Variants in SLC9A1 observed in about 807,000 individuals in gnomAD.
SLC9A1 encodes the protein solute carrier family 9 member A1.
A neutral mutation model predicts 67.9 loss-of-function variants in SLC9A1; 22 were observed. The ratio of observed to expected loss-of-function variants is 0.32; its 90% CI spans 0.23 to 0.46. The LOEUF (loss-of-function observed/expected upper bound fraction) is 0.46. Ranked by LOEUF, SLC9A1 falls within the 20% of genes least tolerant of loss-of-function variation. The probability of loss-of-function intolerance (pLI) is 1.00; values close to 1 mark genes in which losing one functional copy is unlikely to be tolerated. For synonymous variants in SLC9A1, 421 were observed against 471.8 expected (o/e 0.89, Z 1.40); for missense variants, 686 against 1,094.8 (o/e 0.63, Z 5.27).
At chr1:27,105,498 A>G (rs2083177119) in intron 5 of SLC9A1, 1 of 569,150 alleles carries the variant, frequency 1.8e-6, no homozygotes, top group Non-Finnish European at 3.2e-6. Context: ...GGGTTTCACC[A>G]TGTTAGTCAG....
rs2083550083 is a variant in SLC9A1, at chr1:27,154,121, G to A, written c.214C>T (p.Arg72Cys). 7 of 1,613,974 alleles carry A rather than the reference G, an allele frequency of 4.3e-6. No individual in the cohort carries two copies. The highest frequency in any genetic ancestry group is 1.7e-5 in the Admixed American group (1 of 60,000). Residue 72 changes from arginine (R) to cysteine (C), a missense_variant, in exon 1 of 12, where the codon CGC (arginine) becomes TGC (cysteine). By Grantham distance (180) the Arg-to-Cys change is radical (BLOSUM62 -3). Transcript: ENST00000263980. ...TAPPEVTPES[R>C]PVNHSVTDHG... ...TCAGTGACGGAATGATTAACAGGGC[G>A]GCTCTCTGGGGTGACCTCCGGTGGA...
chr1:27,139,326 T>C (rs892018558), intron 1 of SLC9A1, among the ~76,000 whole-genome samples: 1 of 152,140 alleles, frequency 6.6e-6, no homozygotes, highest in African/African-American at 2.4e-5. Context: ...TTTCTCCCCT[T>C]CCTAAAGGTC....
chr1:27,145,055 CA>C (rs1404923884), intron 1 of SLC9A1, among the ~76,000 whole-genome samples: 2 of 87,832 alleles, frequency 2.3e-5, no homozygotes, highest in African/African-American at 4.4e-5. Flanking sequence ...GACTCCATCT[CA>C]AAAAAAAAGG....
intron 1 of SLC9A1, among the ~76,000 whole-genome samples, chr1:27,134,483 C>T (rs2124191391): frequency 6.6e-6 from 1 of 152,276 alleles, no homozygotes; most frequent in Middle Eastern, 3.4e-3. Flanking sequence ...AAAACCAAAG[C>T]TCAGGGCATT....
At position 27,106,049 on chromosome 1, in the gene SLC9A1, TA is replaced by T; in HGVS notation, c.1320del (p.Ile441SerfsTer2). 6.2e-7 allele frequency: 1 copy of T among 1,613,500 alleles called. No individual in the cohort carries two copies. The highest frequency in any genetic ancestry group is 1.1e-5 in the South Asian group (1 of 91,084). On this transcript the variant is annotated frameshift_variant, in exon 5 of 12. Transcript: ENST00000263980. LOFTEE classifies it high-confidence loss of function. This position sits in a 1 kb window ranked among gnomAD's most constrained non-coding sequence, Gnocchi z 4.3. Reference protein sequence around the residue: ...LGLTWFINKFRIVKLTPKDQF... With the variant: ...LGLTWFINKFXIVKLTPKDQF... The stretch of plus-strand genomic sequence containing the variant: ...TGGTCCTTGGGGGTCAGCTTCACGA[TA>T]CGGAACTTGTTGATGAACCAGGTCA...
At chr1:27,145,533 A>C (rs938308904) in intron 1 of SLC9A1, among the ~76,000 whole-genome samples, 1 of 152,178 alleles carries the variant, frequency 6.6e-6, no homozygotes, top group African/African-American at 2.4e-5. Flanking sequence ...GGTTTAGTGA[A>C]CTTGTGGGCT....
At position 27,118,098 on chromosome 1, in the gene SLC9A1, G is replaced by A. The variant is rs1224798420; in HGVS notation, c.353-3812C>T. ...CCGGGCCTCCTGACTACAGCACAGC[G>A]ACCTCCTTCTCCTTCAGCCAGCTCC... On this transcript the variant is annotated intron_variant, in intron 1 of 11. Coordinates refer to ENST00000263980, the MANE Select transcript of SLC9A1 (RefSeq NM_003047.5). This position sits in a 1 kb window ranked among gnomAD's most constrained non-coding sequence, Gnocchi z 4.3. Among the ~76,000 whole-genome samples the A allele has an allele frequency of 1.3e-5, 2 of 152,152 alleles. No individual in the cohort carries two copies. Among genetic ancestry groups the A allele is most frequent in the African/African-American group, 2.4e-5 (1 of 41,430 alleles).
intron 5 of SLC9A1, 146 bp from the exon 6 acceptor site, chr1:27,103,458 C>T (rs2083162160): frequency 2.9e-6 from 2 of 680,734 alleles, no homozygotes; most frequent in African/African-American, 3.6e-5. Flanking sequence ...TGAGAACTCT[C>T]CCACCTCCCA....
At chr1:27,146,801 T>G (rs1364588917) in intron 1 of SLC9A1, among the ~76,000 whole-genome samples, 1 of 151,856 alleles carries the variant, frequency 6.6e-6, no homozygotes, top group Non-Finnish European at 1.5e-5. Flanking sequence ...AAATAAAAAA[T>G]TAATAAGTGG....
At position 27,100,352 on chromosome 1, in the gene SLC9A1, G is replaced by A. The variant is rs769091240; in HGVS notation, c.2403C>T (p.His801=). ...IQRCLSDPGP[H]PEPGEGEPFF... is the part of the protein sequence containing the mutation. ...ACGGTTCTCCCTCCCCAGGCTCAGGGTGTGGGCCTGGGTCACTGAGGCAGC... is the reference window on the plus strand; with the variant it reads ...ACGGTTCTCCCTCCCCAGGCTCAGGATGTGGGCCTGGGTCACTGAGGCAGC... The change falls in exon 12 of 12, where the codon CAC becomes CAT. Residue 801 remains histidine (H), a synonymous_variant. Coordinates refer to ENST00000263980, the MANE Select transcript of SLC9A1 (RefSeq NM_003047.5). This position sits in a 1 kb window ranked among gnomAD's most constrained non-coding sequence, Gnocchi z 5.6. The A allele has an allele frequency of 2.6e-5, 41 of 1,557,250 alleles. No individual in the cohort carries two copies. Among genetic ancestry groups the A allele is most frequent in the Admixed American group, 3.7e-5 (2 of 53,822 alleles).
intron 2 of SLC9A1, among the ~76,000 whole-genome samples, chr1:27,112,321 C>T (rs1019911850): frequency 6.6e-6 from 1 of 152,194 alleles, no homozygotes; most frequent in Non-Finnish European, 1.5e-5. Flanking sequence ...CTCTGAGGTG[C>T]TGCTTCCTGA....
chr1:27,111,282 G>A (rs1041667078), intron 2 of SLC9A1, among the ~76,000 whole-genome samples: 7 of 152,082 alleles, frequency 4.6e-5, no homozygotes, highest in Admixed American at 3.3e-4. Context: ...GGCACAGAGG[G>A]GAAAGTCCTC....
intron 5 of SLC9A1, 89 bp downstream of exon 5, chr1:27,105,796 C>T (rs1205169237): frequency 3.4e-6 from 4 of 1,159,612 alleles, no homozygotes; most frequent in Non-Finnish European, 5.1e-6. Flanking sequence ...ACTAGAATCG[C>T]ATTTCAAATC....
At chr1:27,129,468 G>A (rs947768168) in intron 1 of SLC9A1, among the ~76,000 whole-genome samples, 11 of 152,170 alleles carry the variant, frequency 7.2e-5, no homozygotes, top group South Asian at 2.1e-4. Context: ...ATGAGGACAC[G>A]GCCAGCTGCA....
Position 27,101,325 on chromosome 1 carries a change from C to T in SLC9A1, c.2038-50G>A. On this transcript the variant is annotated intron_variant, in intron 10 of 11. Transcript: ENST00000263980. The surrounding 1 kb of genome is among the most constrained non-coding windows in gnomAD (Gnocchi z 4.9). The stretch of plus-strand genomic sequence containing the variant: ...AGCACAGGCAGCTGGGCAGAGGGAG[C>T]CCCTCAGGACAGAACCCGGCCAGTG... The T allele has an allele frequency of 6.8e-7, 1 of 1,467,836 alleles. No individual in the cohort carries two copies. Among genetic ancestry groups the T allele is most frequent in the Non-Finnish European group, 9.5e-7 (1 of 1,053,164 alleles). 90.9% of individuals were successfully genotyped at this position (1,467,836 alleles called of 1,614,324 possible).
intron 1 of SLC9A1, among the ~76,000 whole-genome samples, chr1:27,131,947 A>AAAAAAAAAAAAAAATATATATAT: frequency 1.9e-5 from 1 of 52,122 alleles, no homozygotes; most frequent in African/African-American, 6.4e-5. Context: ...AGAAAAAAAA[A>AAAAAAAAAAAAAAATATATATAT]ATATATATAT....
intron 1 of SLC9A1, among the ~76,000 whole-genome samples, chr1:27,117,828 C>T (rs568002972): frequency 7.9e-4 from 120 of 152,246 alleles, no homozygotes; most frequent in Middle Eastern, 3.4e-3. Flanking sequence ...TAGCAGAGAG[C>T]GCTAATTAAT....
chr1:27,114,073 A>G lies in SLC9A1; in HGVS notation c.566T>C (p.Ile189Thr). 1 of 1,614,170 alleles carries G rather than the reference A, an allele frequency of 6.2e-7. No homozygotes were observed. The highest frequency in any genetic ancestry group is 8.5e-7 in the Non-Finnish European group (1 of 1,180,036). Residue 189 changes from isoleucine (I) to threonine (T), a missense_variant, in exon 2 of 12, where the codon ATC (isoleucine) becomes ACC (threonine). Coordinates refer to ENST00000263980, the MANE Select transcript of SLC9A1 (RefSeq NM_003047.5). This position sits in a 1 kb window ranked among gnomAD's most constrained non-coding sequence, Gnocchi z 5.4. Reference protein sequence around the residue: ...LRQFTENLGTILIFAVVGTLW... With the variant: ...LRQFTENLGTTLIFAVVGTLW... ...CGTGCCCACCACGGCAAAGATCAGG[A>G]TGGTGCCCAGGTTTTCTGTGAACTG...
chr1:27,141,266 T>C (rs1202197679), intron 1 of SLC9A1, among the ~76,000 whole-genome samples: 4 of 152,204 alleles, frequency 2.6e-5, no homozygotes, highest in Admixed American at 2.6e-4. Context: ...GTCACGGTGC[T>C]ACAAAGTAGT....
Sources: gnomAD v4.1 joint callset for allele counts (sites outside exome capture counted in the v4.1 genomes callset) on GRCh38, gnomAD v4.1.1 for gene constraint, Gnocchi (gnomAD v3.1) non-coding constraint, MANE v1.5 for transcripts, NCBI Gene and HGNC (gene_info 2026-07-23, HGNC 2026-07-21) for gene names.